KDM4D: variants seen among roughly 807,000 people sequenced by gnomAD.
KDM4D encodes lysine demethylase 4D.
For synonymous variants in KDM4D, 254 were observed against 249.1 expected (o/e 1.02, Z -0.19); for missense variants, 427 against 674.8 (o/e 0.63, Z 4.07).
At chr11:94,995,653 C>A (rs986011904) in intron 2 of KDM4D, among the ~76,000 whole-genome samples, 7 of 152,164 alleles carry the variant, frequency 4.6e-5, no homozygotes, top group Admixed American at 2.6e-4. Flanking sequence ...TTAAAAACTG[C>A]CCCTAGTTTA....
chr11:94,981,290 C>T (rs1857840674), intron 2 of KDM4D, among the ~76,000 whole-genome samples: 1 of 152,006 alleles, frequency 6.6e-6, no homozygotes, highest in African/African-American at 2.4e-5. Context: ...AGGATTTTTC[C>T]ATCTATGTTC....
intron 2 of KDM4D, among the ~76,000 whole-genome samples, chr11:94,981,946 TTAAA>T (rs1555097611): frequency 6.6e-6 from 1 of 151,318 alleles, no homozygotes; most frequent in African/African-American, 2.4e-5. Context: ...TTTCCTTTTC[TTAAA>T]TATTTATTTA....
At chr11:94,979,482 G>A (rs12797246) in intron 2 of KDM4D, among the ~76,000 whole-genome samples, 5,434 of 152,182 alleles carry the variant, frequency 0.036, 139 homozygotes, top group Non-Finnish European at 0.052. Context: ...CACCTGCCTC[G>A]GCCTTCCAAA....
intron 2 of KDM4D, among the ~76,000 whole-genome samples, chr11:94,984,693 TA>T (rs35239329): frequency 0.14 from 12,019 of 87,734 alleles, 616 homozygotes; most frequent in Middle Eastern, 0.2. Context: ...CCATCTCTAC[TA>T]AAAAAAAAAA....
chr11:94,988,453 A>G (rs910265546), intron 2 of KDM4D, among the ~76,000 whole-genome samples: 3 of 152,230 alleles, frequency 2.0e-5, no homozygotes, highest in Non-Finnish European at 4.4e-5. Context: ...CAGTGAAGAC[A>G]TAGAGATATG....
chr11:94,984,237 G>C (rs1857866116), intron 2 of KDM4D, among the ~76,000 whole-genome samples: 1 of 152,036 alleles, frequency 6.6e-6, no homozygotes, highest in Non-Finnish European at 1.5e-5. Flanking sequence ...GCTCATGCCT[G>C]TAACCCCAGC....
At chr11:94,975,039 CCAAT>C (rs782764343) in intron 1 of KDM4D, among the ~76,000 whole-genome samples, 17 of 152,214 alleles carry the variant, frequency 1.1e-4, no homozygotes, top group Middle Eastern at 3.2e-3. Context: ...GACTTCACTT[CCAAT>C]CAGTCACTCG....
intron 2 of KDM4D, among the ~76,000 whole-genome samples, chr11:94,995,390 A>G (rs1555099101): frequency 6.6e-6 from 1 of 152,210 alleles, no homozygotes; most frequent in African/African-American, 2.4e-5. Flanking sequence ...CACTGTTCAC[A>G]TTATATAAGG....
intron 2 of KDM4D, among the ~76,000 whole-genome samples, chr11:94,977,467 C>T (rs1453925776): frequency 6.6e-6 from 1 of 152,106 alleles, no homozygotes; most frequent in African/African-American, 2.4e-5. Context: ...CACAGCTGCT[C>T]CTGCTTTAGG....
intron 2 of KDM4D, among the ~76,000 whole-genome samples, chr11:94,988,139 A>G (rs1327595167): frequency 1.3e-5 from 2 of 152,240 alleles, no homozygotes; most frequent in Non-Finnish European, 2.9e-5. Flanking sequence ...AAAACAAGGA[A>G]CAGAAGAATA....
At chr11:94,984,842 G>A (rs782024652) in intron 2 of KDM4D, among the ~76,000 whole-genome samples, 1 of 151,874 alleles carries the variant, frequency 6.6e-6, no homozygotes, top group Non-Finnish European at 1.5e-5. Flanking sequence ...ACTCCAGCCT[G>A]GGCAACACAG....
chr11:94,984,048 T>C (rs1002221048), intron 2 of KDM4D, among the ~76,000 whole-genome samples: 2 of 152,022 alleles, frequency 1.3e-5, no homozygotes, highest in Non-Finnish European at 2.9e-5. Context: ...TACCCACCAA[T>C]AGGAAAGTGC....
At chr11:94,994,289 T>G (rs782665928) in intron 2 of KDM4D, among the ~76,000 whole-genome samples, 2 of 152,198 alleles carry the variant, frequency 1.3e-5, no homozygotes, top group Non-Finnish European at 2.9e-5. Context: ...AGGAGAAAGA[T>G]CATCAATTTG....
chr11:94,989,732 TTCTCTC>T (rs199925760), intron 2 of KDM4D, among the ~76,000 whole-genome samples: 3 of 142,194 alleles, frequency 2.1e-5, no homozygotes, highest in African/African-American at 8.3e-5. Context: ...TTAACCTTCT[TTCTCTC>T]TCTCTCTCTC....
chr11:94,989,838 G>A (rs911324860), intron 2 of KDM4D, among the ~76,000 whole-genome samples: 1 of 140,246 alleles, frequency 7.1e-6, no homozygotes, highest in South Asian at 2.3e-4. Flanking sequence ...TGCAACCTCC[G>A]CCAGGTTGAA....
chr11:94,988,585 GGCA>G (rs1555098334), intron 2 of KDM4D, among the ~76,000 whole-genome samples: 2 of 152,214 alleles, frequency 1.3e-5, no homozygotes, highest in African/African-American at 4.8e-5. Context: ...ACCTTTCAGA[GGCA>G]GCAGTAGCTT....
intron 2 of KDM4D, among the ~76,000 whole-genome samples, chr11:94,984,722 C>T (rs896510064): frequency 6.7e-6 from 1 of 148,574 alleles, no homozygotes; most frequent in Non-Finnish European, 1.5e-5. Context: ...AAAAAATTAG[C>T]CAGGCTTGGT....
Position 94,999,001 on chromosome 11 carries a change from G to A in KDM4D, c.*57G>A. ...TGCTGTGTGACAGTTTGATGAAACT[G>A]GTTACATTTACATCCCAAAACTTTG... On this transcript the variant is annotated 3_prime_UTR_variant, in exon 3 of 3. Transcript: ENST00000335080. The A allele has an allele frequency of 6.9e-7, 1 of 1,446,736 alleles. No homozygotes were observed. The highest frequency in any genetic ancestry group is 9.1e-7 in the Non-Finnish European group (1 of 1,095,862). The allele number at this position is 1,446,736 out of a possible 1,614,324, so 89.6% of individuals were successfully genotyped here. A position where few individuals can be genotyped will look rare whatever the true frequency, so the allele number is the denominator to read the frequency against.
At position 94,997,370 on chromosome 11, in the gene KDM4D, T is replaced by C. The variant is rs1187188259; in HGVS notation, c.-3T>C. 4.4e-6 allele frequency: 7 copies of C among 1,587,296 alleles called. No homozygotes were observed. The highest frequency in any genetic ancestry group is 6.0e-6 in the Non-Finnish European group (7 of 1,169,430). On this transcript the variant is annotated 5_prime_UTR_variant, in exon 3 of 3. Coordinates refer to ENST00000335080, the MANE Select transcript of KDM4D (RefSeq NM_018039.3). Reference sequence around the variant, plus strand: ...TAAAAACTAAGAGTTTACTGCTTATTAAATGGAAACTATGAAGTCTAAGGC... The same window carrying C: ...TAAAAACTAAGAGTTTACTGCTTATCAAATGGAAACTATGAAGTCTAAGGC...
Sources: allele counts gnomAD v4.1 joint callset (sites outside exome capture counted in the v4.1 genomes callset), GRCh38; gene constraint gnomAD v4.1.1; transcripts MANE v1.5; gene names NCBI Gene and HGNC (gene_info 2026-07-23, HGNC 2026-07-21).